The following DAB2IP variants were observed in gnomAD, a reference collection of about 807,000 sequenced individuals.
DAB2IP encodes disabled homolog 2-interacting protein.
DAB2IP carries 28 observed loss-of-function variants against 107.2 expected under a neutral mutation model. The ratio of observed to expected loss-of-function variants is 0.26; its 90% CI spans 0.19 to 0.36. The LOEUF (loss-of-function observed/expected upper bound fraction) is 0.36. DAB2IP is among the 10% of genes least tolerant of loss of function. The pLI is 1.00. For missense variants in DAB2IP, 1,400 were observed against 1,644.7 expected, an observed-to-expected ratio of 0.85 and a Z score of 2.57; for synonymous variants, 755 against 706.4, an observed-to-expected ratio of 1.07 and a Z score of -1.09.
intron 2 of DAB2IP, among the ~76,000 whole-genome samples, chr9:121,693,271 C>G (rs879527752): frequency 2.0e-5 from 3 of 152,178 alleles, no homozygotes; most frequent in Admixed American, 6.5e-5. Context: ...CCTCTGTGGG[C>G]CCTCCTGACT....
chr9:121,711,097 A>G (rs1035515266), intron 3 of DAB2IP, among the ~76,000 whole-genome samples: 4 of 152,246 alleles, frequency 2.6e-5, no homozygotes, highest in Non-Finnish European at 5.9e-5. Flanking sequence ...ACTTAGTCTT[A>G]GAGTCTGTAC....
At chr9:121,686,535 T>A (rs1162252314) in intron 2 of DAB2IP, among the ~76,000 whole-genome samples, 1 of 152,234 alleles carries the variant, frequency 6.6e-6, no homozygotes, top group Non-Finnish European at 1.5e-5. Flanking sequence ...GAATGCTCTC[T>A]GTGGGGGCCT....
intron 3 of DAB2IP, among the ~76,000 whole-genome samples, chr9:121,713,364 G>C (rs191736238): frequency 6.6e-6 from 1 of 152,166 alleles, no homozygotes; most frequent in Admixed American, 6.5e-5. Context: ...GTGTCTAGAG[G>C]GTGGAGGCAG....
At chr9:121,725,408 A>G (rs1831184812) in intron 3 of DAB2IP, among the ~76,000 whole-genome samples, 1 of 152,148 alleles carries the variant, frequency 6.6e-6, no homozygotes, top group African/African-American at 2.4e-5. Context: ...GTCTATCTCC[A>G]AGAGACTCCA....
rs143836788 is a variant in DAB2IP at position 121,774,282 on chromosome 9, A to G, written c.2990A>G (p.Asn997Ser). 1,735 of 1,612,246 alleles carry G rather than the reference A, an allele frequency of 1.1e-3. 11 individuals carry two copies. The highest frequency in any genetic ancestry group is 5.3e-3 in the South Asian group (479 of 90,878). Reference sequence around the variant, plus strand: ...TAGGGCCCTTCACCTGTGAGCCCCAATGCCCTGGACCGCACAGCCGCTTGG... The same window carrying G: ...TAGGGCCCTTCACCTGTGAGCCCCAGTGCCCTGGACCGCACAGCCGCTTGG... The change falls in exon 13 of 16, where the codon AAT (asparagine) becomes AGT (serine). Residue 997 changes from asparagine to serine, a missense_variant. Coordinates refer to ENST00000408936, the Ensembl canonical transcript of DAB2IP.
chr9:121,652,891 T>G (rs576873095), intron 1 of DAB2IP, among the ~76,000 whole-genome samples: 1 of 152,254 alleles, frequency 6.6e-6, no homozygotes, highest in African/African-American at 2.4e-5. Context: ...GCAGGTAGTG[T>G]TCGGTTGCTT....
chr9:121,753,584 G>A (rs1833280533), intron 3 of DAB2IP, among the ~76,000 whole-genome samples: 1 of 152,206 alleles, frequency 6.6e-6, no homozygotes, highest in South Asian at 2.1e-4. Context: ...CATCCCAGCA[G>A]GGGGCCTTGG....
intron 3 of DAB2IP, among the ~76,000 whole-genome samples, chr9:121,740,605 C>T (rs1370400234): frequency 2.6e-5 from 4 of 152,226 alleles, no homozygotes; most frequent in Non-Finnish European, 4.4e-5. Context: ...TCACCCCCAA[C>T]AACCCTGCCC....
chr9:121,667,347 C>A (rs997978942), intron 1 of DAB2IP, among the ~76,000 whole-genome samples: 4 of 151,266 alleles, frequency 2.6e-5, no homozygotes, highest in African/African-American at 9.7e-5. Context: ...GTGTTTTTTA[C>A]CTTTGGCTTC....
At chr9:121,771,604 T>TG (rs201593421) in intron 11 of DAB2IP, among the ~76,000 whole-genome samples, 1 of 151,390 alleles carries the variant, frequency 6.6e-6, no homozygotes, top group Non-Finnish European at 1.5e-5. Context: ...GAGTTTGGAG[T>TG]GGGGGGTGCA....
chr9:121,668,813 T>C (rs1833553230), intron 1 of DAB2IP, among the ~76,000 whole-genome samples: 2 of 152,026 alleles, frequency 1.3e-5, no homozygotes, highest in African/African-American at 2.4e-5. Flanking sequence ...TATTTTTCTA[T>C]GTAAGTGCAT....
At chr9:121,666,486 G>A (rs1463711853) in intron 1 of DAB2IP, among the ~76,000 whole-genome samples, 3 of 152,156 alleles carry the variant, frequency 2.0e-5, no homozygotes, top group Non-Finnish European at 4.4e-5. Context: ...GCTAGAAAAA[G>A]TGTGCAGTGG....
intron 3 of DAB2IP, among the ~76,000 whole-genome samples, chr9:121,741,006 A>G (rs1832300410): frequency 6.6e-6 from 1 of 152,172 alleles, no homozygotes; most frequent in South Asian, 2.1e-4. Flanking sequence ...GTGAGGTAGT[A>G]AGGGTGGAGG....
At position 121,772,013 on chromosome 9, in the gene DAB2IP, A is replaced by G. The variant is rs1272878013; in HGVS notation, c.2079-594A>G. On this transcript the variant is annotated intron_variant, in intron 11 of 15. Transcript: ENST00000408936. The surrounding 1 kb of genome is among the most constrained non-coding windows in gnomAD (Gnocchi z 4.7). ...ATGAGGAGGAGGCCAGGGCAAGTGC[A>G]GCCCTCCCACCAAGTCATGCTCTCC... Among the ~76,000 whole-genome samples, 1 of 152,210 alleles carries G rather than the reference A, an allele frequency of 6.6e-6. No individual in the cohort carries two copies. Among genetic ancestry groups the G allele is most frequent in the Non-Finnish European group, 1.5e-5 (1 of 68,040 alleles).
At chr9:121,756,197 A>G (rs1286056056) in intron 3 of DAB2IP, among the ~76,000 whole-genome samples, 2 of 152,206 alleles carry the variant, frequency 1.3e-5, no homozygotes, top group East Asian at 1.9e-4. Context: ...AGCAGGTGTC[A>G]TCTGCGGTGC....
chr9:121,773,238 A>G (rs769366403), exon 12 of DAB2IP: 20 of 1,552,270 alleles, frequency 1.3e-5, no homozygotes, highest in African/African-American at 2.7e-5. Flanking sequence ...CGGGCAGCCC[A>G]CGGTGCCACG....
At chr9:121,678,246 A>G (rs1200163016) in intron 1 of DAB2IP, among the ~76,000 whole-genome samples, 6 of 152,244 alleles carry the variant, frequency 3.9e-5, no homozygotes, top group African/African-American at 7.2e-5. Flanking sequence ...ATGGGATCAT[A>G]CAAAATATGT....
At chr9:121,570,166 C>T (rs1477928661) in intron 1 of DAB2IP, among the ~76,000 whole-genome samples, 4 of 137,056 alleles carry the variant, frequency 2.9e-5, no homozygotes, top group Admixed American at 2.4e-4. Flanking sequence ...GGCTGGAGTG[C>T]AGTGGTGCGA....
At chr9:121,600,281 TG>T (rs1242508090) in intron 1 of DAB2IP, among the ~76,000 whole-genome samples, 1 of 152,196 alleles carries the variant, frequency 6.6e-6, no homozygotes, top group Non-Finnish European at 1.5e-5. Flanking sequence ...TGTTCAATCC[TG>T]GCCAATCCTA....
Sources: gnomAD v4.1 joint callset for allele counts (sites outside exome capture counted in the v4.1 genomes callset) on GRCh38, gnomAD v4.1.1 for gene constraint, Gnocchi (gnomAD v3.1) non-coding constraint, MANE v1.5 for transcripts, NCBI Gene and HGNC (gene_info 2026-07-23, HGNC 2026-07-21) for gene names.